Variants in CTNND2 observed in about 807,000 individuals in gnomAD.
CTNND2 encodes the protein catenin delta 2.
CTNND2 carries 22 observed loss-of-function variants against 144.4 expected under a neutral mutation model. The ratio of observed to expected loss-of-function variants is 0.15; its 90% confidence interval spans 0.11 to 0.22. The LOEUF (loss-of-function observed/expected upper bound fraction) is 0.22, where lower values mean the gene tolerates loss of function less well. Among genes scored for constraint, CTNND2 ranks in the 10% least tolerant of loss-of-function variants. The pLI is 1.00. For missense variants in CTNND2, 1,353 were observed against 1,618.8 expected (o/e 0.84, Z 2.82); for synonymous variants, 751 against 695.6 (o/e 1.08, Z -1.25).
chr5:11,298,984 G>T (rs1425625055), intron 9 of CTNND2, among the ~76,000 whole-genome samples: 2 of 151,048 alleles, frequency 1.3e-5, no homozygotes, highest in South Asian at 2.1e-4. Flanking sequence ...ATTTACTTGG[G>T]TCACCTTTTT....
At position 10,981,757 on chromosome 5, in the gene CTNND2, G is replaced by C; in HGVS notation, c.3417+16C>G. Reference sequence around the variant, plus strand: ...CACACTGAAAAGGAAATACAAACGTGTTGCATTTACTTTACCTGGTTGTGT... The same window carrying C: ...CACACTGAAAAGGAAATACAAACGTCTTGCATTTACTTTACCTGGTTGTGT... On this transcript the variant is annotated intron_variant, in intron 21 of 21. Transcript: ENST00000304623. 1 of 1,597,650 alleles carries C rather than the reference G, an allele frequency of 6.3e-7. No homozygotes were observed.
At chr5:11,295,899 A>T (rs1334048033) in intron 9 of CTNND2, among the ~76,000 whole-genome samples, 1 of 152,174 alleles carries the variant, frequency 6.6e-6, no homozygotes, top group African/African-American at 2.4e-5. Flanking sequence ...AACCTAGGCA[A>T]TACCATTCAG....
At chr5:11,741,925 T>G (rs1413937275) in intron 1 of CTNND2, among the ~76,000 whole-genome samples, 1 of 151,648 alleles carries the variant, frequency 6.6e-6, no homozygotes, top group Admixed American at 6.6e-5. Context: ...TTGGAGCCAA[T>G]TATTCTAAGT....
chr5:11,380,914 C>G (rs1758420025), intron 7 of CTNND2, among the ~76,000 whole-genome samples: 7 of 152,216 alleles, frequency 4.6e-5, no homozygotes, highest in Admixed American at 4.6e-4. Context: ...GCTACATGCA[C>G]TTTGATTCTG....
At chr5:11,457,078 A>C (rs1386514739) in intron 3 of CTNND2, among the ~76,000 whole-genome samples, 1 of 152,162 alleles carries the variant, frequency 6.6e-6, no homozygotes, top group Non-Finnish European at 1.5e-5. Flanking sequence ...GTCTCATTTA[A>C]TTTTCACCTT....
intron 1 of CTNND2, among the ~76,000 whole-genome samples, chr5:11,803,791 T>C (rs1791832511): frequency 6.6e-6 from 1 of 152,224 alleles, no homozygotes; most frequent in East Asian, 1.9e-4. Flanking sequence ...TATAATTCAC[T>C]GTTGTATCAC....
chr5:11,218,286 C>T (rs1739423341), intron 10 of CTNND2, among the ~76,000 whole-genome samples: 1 of 152,082 alleles, frequency 6.6e-6, no homozygotes, highest in East Asian at 1.9e-4. Flanking sequence ...TTGAGTCATC[C>T]TCATAATTCT....
intron 2 of CTNND2, among the ~76,000 whole-genome samples, chr5:11,575,510 T>C (rs114177603): frequency 0.01 from 1,529 of 152,272 alleles, 11 homozygotes; most frequent in Non-Finnish European, 0.015. Flanking sequence ...GTACATCCTT[T>C]GTATAACTAA....
chr5:11,024,896 AG>A (rs1742655010), intron 16 of CTNND2, among the ~76,000 whole-genome samples: 1 of 152,206 alleles, frequency 6.6e-6, no homozygotes, highest in African/African-American at 2.4e-5. Context: ...AGTAGATGGC[AG>A]GGTACCCAAC....
At chr5:11,111,790 T>C (rs1753011393) in intron 13 of CTNND2, among the ~76,000 whole-genome samples, 1 of 152,216 alleles carries the variant, frequency 6.6e-6, no homozygotes, top group African/African-American at 2.4e-5. Context: ...TCTTGTGCAT[T>C]AGTTGAGCTA....
At chr5:11,340,187 T>TTCCTCACCATGTACCAGCCCTCACC (rs1754103418) in intron 9 of CTNND2, among the ~76,000 whole-genome samples, 1 of 152,218 alleles carries the variant, frequency 6.6e-6, no homozygotes, top group Non-Finnish European at 1.5e-5. Flanking sequence ...ATACCATCTG[T>TTCCTCACCATGTACCAGCCCTCACC]TCCTCACCAT....
intron 21 of CTNND2, among the ~76,000 whole-genome samples, chr5:10,976,685 A>C (rs1389324687): frequency 6.6e-6 from 1 of 152,196 alleles, no homozygotes; most frequent in South Asian, 2.1e-4. Flanking sequence ...TAAATTATGA[A>C]GGATAGTGTC....
chr5:11,379,138 T>C (rs1420233411), intron 7 of CTNND2, among the ~76,000 whole-genome samples: 1 of 152,234 alleles, frequency 6.6e-6, no homozygotes, highest in Non-Finnish European at 1.5e-5. Context: ...AAGGATTATG[T>C]TATTCTCTTT....
intron 1 of CTNND2, among the ~76,000 whole-genome samples, chr5:11,865,827 G>GAC (rs1282822187): frequency 1.4e-5 from 2 of 140,298 alleles, no homozygotes; most frequent in Non-Finnish European, 3.1e-5. Flanking sequence ...TCAGCCTGTT[G>GAC]ACACGGTCTT....
intron 3 of CTNND2, among the ~76,000 whole-genome samples, chr5:11,494,691 G>GA (rs1343260290): frequency 1.3e-5 from 2 of 152,192 alleles, no homozygotes; most frequent in East Asian, 3.9e-4. Flanking sequence ...ATAGGTTTCA[G>GA]AAAAGAATAA....
In CTNND2 at chr5:11,099,551, A is replaced by C. The variant is rs559587992; in HGVS notation, c.2464-803T>G. ...AAGTTAAATGAGCAAAGCAGGATGC[A>C]AAGTAGTATGGGATTTGCACATTAT... On this transcript the variant is annotated intron_variant, in intron 14 of 21. Transcript: ENST00000304623. 2.6e-5 allele frequency among the ~76,000 whole-genome samples: 4 copies of C among 152,338 alleles called. No individual in the cohort carries two copies. In the South Asian group the frequency reaches 6.2e-4, roughly 24 times the overall value.
At chr5:11,028,545 G>T (rs980016640) in intron 16 of CTNND2, among the ~76,000 whole-genome samples, 7 of 151,998 alleles carry the variant, frequency 4.6e-5, no homozygotes, top group African/African-American at 1.5e-4. Flanking sequence ...CTTCCCTTCA[G>T]TCCCTGGAAA....
rs111998409 is a variant in CTNND2 at position 11,358,458 on chromosome 5, A to G, written c.1372+6238T>C. Among the ~76,000 whole-genome samples, 397 of 152,326 alleles carry G rather than the reference A, an allele frequency of 2.6e-3. 2 individuals carry two copies. Among genetic ancestry groups the G allele is most frequent in the African/African-American group, 8.4e-3 (349 of 41,582 alleles). On this transcript the variant is annotated intron_variant, in intron 8 of 21. Transcript: ENST00000304623. ...CAGGCATTTAACTTTTTAGCCTAAG[A>G]AAAGTGAAAATTTTAACTAATAGGT...
At chr5:11,587,634 A>G (rs990627251) in intron 2 of CTNND2, among the ~76,000 whole-genome samples, 5 of 152,118 alleles carry the variant, frequency 3.3e-5, no homozygotes, top group African/African-American at 1.2e-4. Flanking sequence ...CATAAGTTTT[A>G]TCTTGTGTTT....
Sources: gnomAD v4.1 joint callset for allele counts (sites outside exome capture counted in the v4.1 genomes callset) on GRCh38, gnomAD v4.1.1 for gene constraint, MANE v1.5 for transcripts, NCBI Gene and HGNC (gene_info 2026-07-23, HGNC 2026-07-21) for gene names.